UNC5A: variants seen among roughly 807,000 people sequenced by gnomAD.
The protein encoded by UNC5A is unc-5 netrin receptor A, also known as netrin receptor UNC5A.
In UNC5A, 20 loss-of-function variants were observed where a neutral mutation model predicts 87.4. The ratio of observed to expected loss-of-function variants is 0.23; its 90% CI spans 0.16 to 0.33. The LOEUF (loss-of-function observed/expected upper bound fraction) is 0.33. Ranked by LOEUF, UNC5A falls within the 10% of genes least tolerant of loss-of-function variation. The pLI, the probability that UNC5A is intolerant of heterozygous loss-of-function variation, is 1.00. For synonymous variants in UNC5A, 438 were observed against 482.3 expected (o/e 0.91, Z 1.20); for missense variants, 844 against 1,133.4 (o/e 0.74, Z 3.67).
At position 176,880,841 on chromosome 5, in the gene UNC5A, G is replaced by T; in HGVS notation, c.*955G>T. 2.2e-6 allele frequency: 1 copy of T among 446,246 alleles called. No homozygotes were observed. The highest frequency in any genetic ancestry group is 3.9e-6 in the Non-Finnish European group (1 of 256,854). 27.6% of individuals were successfully genotyped at this position (446,246 alleles called of 1,614,324 possible). On this transcript the variant is annotated 3_prime_UTR_variant, in exon 15 of 15. Coordinates refer to ENST00000329542, the MANE Select transcript of UNC5A (RefSeq NM_133369.3). ...GTACACAGCCTTGCCCGGCCGCCGGGGCACATAGGGGTTTTATCGGGCGTG... is the reference window on the plus strand; with the variant it reads ...GTACACAGCCTTGCCCGGCCGCCGGTGCACATAGGGGTTTTATCGGGCGTG...
In UNC5A at chr5:176,824,318, T is replaced by C. The variant is rs557092844; in HGVS notation, c.70+13498T>C. ...CCCAGTGGCCCCGAGGCCCTGAGGC[T>C]CTGGTCCCTGCAGCTTTTCTCAGTC... On this transcript the variant is annotated intron_variant, in intron 1 of 14. Transcript: ENST00000329542. The surrounding 1 kb of genome is among the most constrained non-coding windows in gnomAD (Gnocchi z 4.2). 1.2e-4 allele frequency among the ~76,000 whole-genome samples: 18 copies of C among 152,112 alleles called. No homozygotes were observed. The highest frequency in any genetic ancestry group is 2.4e-4 in the Non-Finnish European group (16 of 68,024).
intron 1 of UNC5A, among the ~76,000 whole-genome samples, chr5:176,822,435 T>C (rs1036298453): frequency 6.6e-6 from 1 of 152,214 alleles, no homozygotes; most frequent in African/African-American, 2.4e-5. Flanking sequence ...AGGCCTGGAA[T>C]CTTGGGAAGG....
intron 1 of UNC5A, among the ~76,000 whole-genome samples, chr5:176,832,263 A>T (rs1338487723): frequency 6.6e-6 from 1 of 152,074 alleles, no homozygotes; most frequent in Non-Finnish European, 1.5e-5. Flanking sequence ...CTCCCGTTTT[A>T]GAGATGCAGT....
chr5:176,828,897 G>C (rs867163093), intron 1 of UNC5A, among the ~76,000 whole-genome samples: 14 of 151,948 alleles, frequency 9.2e-5, no homozygotes, highest in African/African-American at 2.9e-4. Context: ...TTGGGAGGCC[G>C]AGGTGGGCGG....
intron 1 of UNC5A, among the ~76,000 whole-genome samples, chr5:176,814,064 G>A (rs1037084110): frequency 9.9e-5 from 15 of 152,032 alleles, no homozygotes; most frequent in African/African-American, 2.9e-4. Flanking sequence ...CCTCCAGCTC[G>A]GGCCTACTTG....
intron 10 of UNC5A, 48 bp from the exon 11 acceptor site, chr5:176,877,846 T>C (rs1758301595): frequency 1.3e-6 from 2 of 1,556,120 alleles, no homozygotes; most frequent in African/African-American, 1.4e-5. Flanking sequence ...CAGCTGGCCC[T>C]AGGGCTCTGA....
At chr5:176,822,325 G>T (rs1377054424) in intron 1 of UNC5A, among the ~76,000 whole-genome samples, 2 of 152,236 alleles carry the variant, frequency 1.3e-5, no homozygotes, top group Non-Finnish European at 2.9e-5. Flanking sequence ...GATAAAACTG[G>T]CAGCAGCAGG....
chr5:176,858,924 G>T (rs947508741), intron 1 of UNC5A, among the ~76,000 whole-genome samples: 2 of 152,176 alleles, frequency 1.3e-5, no homozygotes, highest in African/African-American at 4.8e-5. Flanking sequence ...CCGAGGGGGG[G>T]ACAGACAGAT....
chr5:176,813,630 G>T (rs1756522069), intron 1 of UNC5A, among the ~76,000 whole-genome samples: 1 of 152,208 alleles, frequency 6.6e-6, no homozygotes, highest in Non-Finnish European at 1.5e-5. Context: ...ACCAGGGATA[G>T]GCATTGATCC....
intron 1 of UNC5A, among the ~76,000 whole-genome samples, chr5:176,850,023 C>T (rs1008853990): frequency 4.6e-5 from 7 of 152,236 alleles, no homozygotes; most frequent in African/African-American, 1.7e-4. Flanking sequence ...CACAGGCTGA[C>T]AGCGGAGGCA....
chr5:176,828,221 G>A (rs768712918), intron 1 of UNC5A, among the ~76,000 whole-genome samples: 4 of 152,200 alleles, frequency 2.6e-5, no homozygotes, highest in Admixed American at 6.5e-5. Flanking sequence ...CGCAGTGCGC[G>A]GCTGTGATTC....
At chr5:176,831,879 CTCTCTCTTTTTTTTT>C (rs1427592553) in intron 1 of UNC5A, among the ~76,000 whole-genome samples, 4 of 34,404 alleles carry the variant, frequency 1.2e-4, no homozygotes, top group East Asian at 1.1e-3. Flanking sequence ...CACACTTTCT[CTCTCTCTTTTTTTTT>C]TTTTTTTTTT....
chr5:176,869,087 C>G lies in UNC5A; in HGVS notation c.721+123C>G, dbSNP rs954994290. On this transcript the variant is annotated intron_variant, in intron 5 of 14. Coordinates refer to ENST00000329542, the MANE Select transcript of UNC5A (RefSeq NM_133369.3). This position sits in a 1 kb window ranked among gnomAD's most constrained non-coding sequence, Gnocchi z 9.1. ...GCCAGGTGGACCAGATCGTGCCTGACTAGGCAGGATAAGCAAAGGGCTCTC... is the reference window on the plus strand; with the variant it reads ...GCCAGGTGGACCAGATCGTGCCTGAGTAGGCAGGATAAGCAAAGGGCTCTC... 30 of 1,130,146 alleles carry G rather than the reference C, an allele frequency of 2.7e-5. No homozygotes were observed. The African/African-American group carries it at 3.9e-4, about 15-fold the overall frequency. 70.0% of individuals were successfully genotyped at this position (1,130,146 alleles called of 1,614,324 possible). A position where few individuals can be genotyped will look rare whatever the true frequency, so the allele number is the denominator to read the frequency against.
At chr5:176,859,454 A>G (rs71591846) in intron 1 of UNC5A, among the ~76,000 whole-genome samples, 1 of 145,914 alleles carries the variant, frequency 6.9e-6, no homozygotes, top group African/African-American at 2.5e-5. Flanking sequence ...TAGAGGGCAT[A>G]GCTGCTAGAA....
intron 2 of UNC5A, among the ~76,000 whole-genome samples, chr5:176,864,510 A>G (rs1757923600): frequency 6.6e-6 from 1 of 152,328 alleles, no homozygotes; most frequent in East Asian, 1.9e-4. Flanking sequence ...AGGCAGTGCC[A>G]TTTAGCCCCA....
At position 176,830,074 on chromosome 5, in the gene UNC5A, C is replaced by T. The variant is rs189760461; in HGVS notation, c.70+19254C>T. On this transcript the variant is annotated intron_variant, in intron 1 of 14. Coordinates refer to ENST00000329542, the MANE Select transcript of UNC5A (RefSeq NM_133369.3). Reference sequence around the variant, plus strand: ...ATTTTTAATAGAGATGGGGTTTTGCCATGTTGGACAGGCTAGTCACAAAAC... The same window carrying T: ...ATTTTTAATAGAGATGGGGTTTTGCTATGTTGGACAGGCTAGTCACAAAAC... Among the ~76,000 whole-genome samples, 251 of 152,110 alleles carry T rather than the reference C, an allele frequency of 1.7e-3. 1 individual carries two copies. The highest frequency in any genetic ancestry group is 5.7e-3 in the African/African-American group (235 of 41,510).
In UNC5A at chr5:176,848,249, G is replaced by T. The variant is rs528029033; in HGVS notation, c.71-14375G>T. ...ATCCTTTAGGGACCCTTGGGGAGGG[G>T]GTACCCCAGCTTCTCTCTCCCCTGC... On this transcript the variant is annotated intron_variant, in intron 1 of 14. Transcript: ENST00000329542. The surrounding 1 kb of genome is among the most constrained non-coding windows in gnomAD (Gnocchi z 5.8). Among the ~76,000 whole-genome samples the T allele has an allele frequency of 1.1e-4, 16 of 152,138 alleles. No homozygotes were observed. The South Asian group carries it at 2.9e-3, about 28-fold the overall frequency.
intron 1 of UNC5A, among the ~76,000 whole-genome samples, chr5:176,817,294 A>C (rs2113581513): frequency 6.8e-6 from 1 of 147,158 alleles, no homozygotes; most frequent in South Asian, 2.2e-4. Flanking sequence ...GGTGGGGGGA[A>C]GGCCGGGGGA....
At chr5:176,854,235 C>A (rs984242002) in intron 1 of UNC5A, among the ~76,000 whole-genome samples, 3 of 152,212 alleles carry the variant, frequency 2.0e-5, no homozygotes, top group African/African-American at 7.2e-5. Context: ...GGTCATGGAA[C>A]CTGCCACTCC....
Sources: gnomAD v4.1 joint callset for allele counts (sites outside exome capture counted in the v4.1 genomes callset) on GRCh38, gnomAD v4.1.1 for gene constraint, Gnocchi (gnomAD v3.1) non-coding constraint, MANE v1.5 for transcripts, NCBI Gene and HGNC (gene_info 2026-07-23, HGNC 2026-07-21) for gene names.